Variants in GAP43 observed in about 807,000 individuals in gnomAD.
GAP43 encodes the protein neuromodulin.
A neutral mutation model predicts 18.6 loss-of-function variants in GAP43; 6 were observed. The observed-to-expected ratio is 0.32, with a 90% CI of 0.18 to 0.64. GAP43 has a LOEUF of 0.64. GAP43 is among the 30% of genes least tolerant of loss of function. GAP43 has a pLI of 0.78. For synonymous variants in GAP43, 115 were observed against 111.4 expected (o/e 1.03, Z -0.20); for missense variants, 292 against 295.5 (o/e 0.99, Z 0.09).
At chr3:115,627,203 A>T (rs1708201405) in intron 1 of GAP43, among the ~76,000 whole-genome samples, 2 of 149,158 alleles carry the variant, frequency 1.3e-5, no homozygotes, top group Admixed American at 6.7e-5. Flanking sequence ...TGAGTCTAGA[A>T]AGTGTTCATT....
intron 1 of GAP43, among the ~76,000 whole-genome samples, chr3:115,667,272 G>C (rs995862479): frequency 1.3e-5 from 2 of 152,164 alleles, no homozygotes; most frequent in Non-Finnish European, 2.9e-5. Context: ...ACATACAGCA[G>C]ATGATCATAA....
At chr3:115,696,820 G>T (rs1177493728) in intron 2 of GAP43, among the ~76,000 whole-genome samples, 2 of 151,280 alleles carry the variant, frequency 1.3e-5, no homozygotes, top group Non-Finnish European at 2.9e-5. Context: ...ATTTTTGTTT[G>T]TTGGTTAGTT....
chr3:115,649,462 A>G (rs1043163715), intron 1 of GAP43, among the ~76,000 whole-genome samples: 3 of 152,146 alleles, frequency 2.0e-5, no homozygotes, highest in African/African-American at 7.2e-5. Context: ...CAAGGTAGGG[A>G]GAAACCTGTT....
At chr3:115,645,383 A>G (rs554712454) in intron 1 of GAP43, among the ~76,000 whole-genome samples, 1 of 152,118 alleles carries the variant, frequency 6.6e-6, no homozygotes, top group African/African-American at 2.4e-5. Flanking sequence ...GTGAGGCCCA[A>G]CCAACTCTTC....
chr3:115,689,906 G>A (rs889467967), intron 2 of GAP43, among the ~76,000 whole-genome samples: 7 of 152,136 alleles, frequency 4.6e-5, no homozygotes, highest in Non-Finnish European at 5.9e-5. Context: ...AATAATAGGC[G>A]AGAAAGCAAG....
intron 2 of GAP43, among the ~76,000 whole-genome samples, chr3:115,698,189 A>ATAT (rs373151172): frequency 3.3e-3 from 34 of 10,270 alleles, no homozygotes; most frequent in Admixed American, 0.01. Flanking sequence ...TATATATATT[A>ATAT]AATATATATT....
intron 1 of GAP43, among the ~76,000 whole-genome samples, chr3:115,624,413 C>G (rs1297734774): frequency 2.6e-5 from 4 of 151,642 alleles, no homozygotes; most frequent in African/African-American, 7.3e-5. Context: ...ACCAGCTGGT[C>G]GGAGGAGAGG....
intron 1 of GAP43, among the ~76,000 whole-genome samples, chr3:115,655,685 T>A (rs1708571059): frequency 6.6e-6 from 1 of 152,234 alleles, no homozygotes; most frequent in Non-Finnish European, 1.5e-5. Context: ...ATATATTTCA[T>A]AACTTAGTAA....
chr3:115,679,600 G>A (rs1708935451), intron 2 of GAP43, among the ~76,000 whole-genome samples: 1 of 152,134 alleles, frequency 6.6e-6, no homozygotes, highest in South Asian at 2.1e-4. Context: ...GAACTTTGAA[G>A]CCCCCTTTAG....
chr3:115,697,996 T>C (rs1270142559), intron 2 of GAP43, among the ~76,000 whole-genome samples: 1 of 121,820 alleles, frequency 8.2e-6, no homozygotes. Context: ...TGTGTGTGTG[T>C]GTGTGTGTGT....
chr3:115,695,213 C>T (rs1255562484), intron 2 of GAP43, among the ~76,000 whole-genome samples: 1 of 152,146 alleles, frequency 6.6e-6, no homozygotes, highest in Non-Finnish European at 1.5e-5. Flanking sequence ...GATCCTTAGA[C>T]TATGCTTTTT....
At chr3:115,659,212 G>A (rs1457830156) in intron 1 of GAP43, among the ~76,000 whole-genome samples, 1 of 152,170 alleles carries the variant, frequency 6.6e-6, no homozygotes, top group Non-Finnish European at 1.5e-5. Context: ...AGACAGCACA[G>A]GAAGGAACAA....
chr3:115,636,062 A>G (rs536671099), intron 1 of GAP43, among the ~76,000 whole-genome samples: 67 of 152,266 alleles, frequency 4.4e-4, no homozygotes, highest in Admixed American at 9.8e-4. Context: ...GTAAAACTCC[A>G]TCTGTAAAGA....
intron 1 of GAP43, chr3:115,664,028 C>T (rs1400200747): frequency 1.0e-6 from 1 of 995,918 alleles, no homozygotes; most frequent in Non-Finnish European, 1.5e-6. Flanking sequence ...AACTAATGTC[C>T]TTCTACTTAG....
chr3:115,635,962 T>A (rs1356094803), intron 1 of GAP43, among the ~76,000 whole-genome samples: 2 of 152,092 alleles, frequency 1.3e-5, no homozygotes. Context: ...CCCGTGTCAT[T>A]GGAAACTGAT....
chr3:115,688,137 C>T (rs6797717), intron 2 of GAP43, among the ~76,000 whole-genome samples: 11,490 of 152,104 alleles, frequency 0.076, 561 homozygotes, highest in Middle Eastern at 0.13. Context: ...CTGCCTCAGC[C>T]TCCCGAGTAG....
At chr3:115,629,426 T>G (rs532682113) in intron 1 of GAP43, among the ~76,000 whole-genome samples, 1 of 148,850 alleles carries the variant, frequency 6.7e-6, no homozygotes, top group South Asian at 2.1e-4. Flanking sequence ...TTTTTTTACC[T>G]GATGACACCA....
intron 1 of GAP43, among the ~76,000 whole-genome samples, chr3:115,647,418 G>A (rs1708469344): frequency 6.6e-6 from 1 of 152,044 alleles, no homozygotes; most frequent in Non-Finnish European, 1.5e-5. Context: ...TAAGAAATAT[G>A]TACAAATTAA....
intron 2 of GAP43, among the ~76,000 whole-genome samples, chr3:115,685,684 C>T (rs1709023201): frequency 6.6e-6 from 1 of 152,156 alleles, no homozygotes; most frequent in African/African-American, 2.4e-5. Context: ...AGAATGTGCC[C>T]CACTTTGTGA....
Sources: gnomAD v4.1 joint callset for allele counts (sites outside exome capture counted in the v4.1 genomes callset) on GRCh38, gnomAD v4.1.1 for gene constraint, MANE v1.5 for transcripts, NCBI Gene and HGNC (gene_info 2026-07-23, HGNC 2026-07-21) for gene names.